Variants in RBFOX1 observed in about 807,000 individuals in gnomAD.
The protein encoded by RBFOX1 is RNA binding fox-1 homolog 1.
A neutral mutation model predicts 57.7 loss-of-function variants in RBFOX1; 8 were observed. That is an observed-to-expected ratio of 0.14 (90% CI 0.08 to 0.25). RBFOX1 has a LOEUF of 0.25. Among genes scored for constraint, RBFOX1 ranks in the 10% least tolerant of loss-of-function variants. The pLI is 1.00. For missense variants in RBFOX1, 611 were observed against 548.5 expected (o/e 1.11, Z -1.14); for synonymous variants, 326 against 222.4 (o/e 1.47, Z -4.15).
At chr16:6,132,064 C>T (rs1435049834) in intron 1 of RBFOX1, among the ~76,000 whole-genome samples, 1 of 152,200 alleles carries the variant, frequency 6.6e-6, no homozygotes, top group African/African-American at 2.4e-5. Context: ...AGAAGCTTAA[C>T]ACGCTTTAGT....
intron 3 of RBFOX1, among the ~76,000 whole-genome samples, chr16:6,914,906 T>C (rs897613301): frequency 3.3e-5 from 5 of 152,172 alleles, no homozygotes; most frequent in Admixed American, 6.6e-5. Context: ...CACAGATGGA[T>C]AGGTTTGAGA....
chr16:7,368,542 G>A (rs1011669348), intron 4 of RBFOX1, among the ~76,000 whole-genome samples: 2 of 151,970 alleles, frequency 1.3e-5, no homozygotes, highest in African/African-American at 4.8e-5. Context: ...ACTTTGGGAG[G>A]CCGAGGTGGG....
At chr16:6,821,950 G>C (rs1300008303) in intron 3 of RBFOX1, among the ~76,000 whole-genome samples, 2 of 152,134 alleles carry the variant, frequency 1.3e-5, no homozygotes, top group Non-Finnish European at 2.9e-5. Context: ...TCTAGTTTCT[G>C]ATGTGATTGC....
intron 3 of RBFOX1, among the ~76,000 whole-genome samples, chr16:6,751,994 G>C (rs1488122630): frequency 6.6e-6 from 1 of 152,058 alleles, no homozygotes; most frequent in Non-Finnish European, 1.5e-5. Context: ...CACTTTAATA[G>C]GATCCCAGTT....
At chr16:6,190,895 TG>T (rs1358956650) in intron 1 of RBFOX1, among the ~76,000 whole-genome samples, 1 of 152,118 alleles carries the variant, frequency 6.6e-6, no homozygotes, top group African/African-American at 2.4e-5. Flanking sequence ...ATCTTGTGTG[TG>T]GTGTGACTGT....
intron 4 of RBFOX1, among the ~76,000 whole-genome samples, chr16:7,360,764 G>T (rs1357017931): frequency 4.6e-5 from 7 of 152,088 alleles, no homozygotes; most frequent in Admixed American, 3.9e-4. Flanking sequence ...TTTCCTATCT[G>T]TGTTGGCCAA....
At chr16:5,788,176 T>A (rs72766968) in intron 3 of RBFOX1, among the ~76,000 whole-genome samples, 1 of 152,330 alleles carries the variant, frequency 6.6e-6, no homozygotes, top group Non-Finnish European at 1.5e-5. Context: ...CTCCCAGGAC[T>A]GCATCCTGAA....
rs35062940 is a variant in RBFOX1, at chr16:5,268,078, C to CA, written c.219+27986dup. Reference sequence around the variant, plus strand: ...TGGGAGACAGAGCGAGATTCCATGTCAAAAAAAAAAAAAGATGACTGGAAT... The same window carrying CA: ...TGGGAGACAGAGCGAGATTCCATGTCAAAAAAAAAAAAAAGATGACTGGAAT... On this transcript the variant is annotated intron_variant, in intron 1 of 2. Transcript: ENST00000585867. Among the ~76,000 whole-genome samples, 738 of 131,166 alleles carry CA rather than the reference C, an allele frequency of 5.6e-3. 8 individuals carry two copies. Among genetic ancestry groups the CA allele is most frequent in the South Asian group, 0.032 (131 of 4,124 alleles). 86.0% of individuals were successfully genotyped at this position (131,166 alleles called of 152,430 possible). A position where few individuals can be genotyped will look rare whatever the true frequency, so the allele number is the denominator to read the frequency against.
At chr16:6,080,026 A>T (rs2095976032) in intron 1 of RBFOX1, among the ~76,000 whole-genome samples, 1 of 152,146 alleles carries the variant, frequency 6.6e-6, no homozygotes. Context: ...AAGTTCTGGG[A>T]GTGAATTTAA....
chr16:5,674,348 C>G lies in RBFOX1; in HGVS notation c.318+75387C>G, dbSNP rs554271380. On this transcript the variant is annotated intron_variant, in intron 3 of 19. Transcript: ENST00000641259. ...TATTTCCTATGTAATCTCCACTTTC[C>G]TCTACAATGGGTAAAATATTCATGT... is the stretch of plus-strand genomic sequence containing the variant. 3.9e-5 allele frequency among the ~76,000 whole-genome samples: 6 copies of G among 152,276 alleles called. No individual in the cohort carries two copies. The South Asian group carries it at 1.2e-3, about 32-fold the overall frequency.
At chr16:7,271,581 A>G (rs1028899030) in intron 4 of RBFOX1, among the ~76,000 whole-genome samples, 1 of 152,158 alleles carries the variant, frequency 6.6e-6, no homozygotes, top group Non-Finnish European at 1.5e-5. Flanking sequence ...TTATGAGTTG[A>G]AGCATAATTA....
chr16:6,740,901 C>G (rs2071867116), intron 3 of RBFOX1, among the ~76,000 whole-genome samples: 1 of 152,074 alleles, frequency 6.6e-6, no homozygotes, highest in African/African-American at 2.4e-5. Context: ...AGCAAAGAAA[C>G]TAGAGTTGTT....
chr16:5,426,273 G>A (rs761412803), intron 1 of RBFOX1, among the ~76,000 whole-genome samples: 8 of 152,150 alleles, frequency 5.3e-5, no homozygotes, highest in East Asian at 3.9e-4. Flanking sequence ...ACACCTTCAC[G>A]GGATGTATGC....
intron 3 of RBFOX1, among the ~76,000 whole-genome samples, chr16:5,803,999 A>C (rs948548976): frequency 9.2e-5 from 14 of 152,144 alleles, no homozygotes; most frequent in African/African-American, 3.4e-4. Context: ...CCCAGCTCAG[A>C]GATTTCCTCT....
intron 3 of RBFOX1, among the ~76,000 whole-genome samples, chr16:6,697,456 G>A (rs1439951732): frequency 6.6e-6 from 1 of 152,208 alleles, no homozygotes; most frequent in Non-Finnish European, 1.5e-5. Context: ...CGGTGAGACT[G>A]ACTTCAGGAA....
chr16:7,701,304 CG>C (rs2080629254), intron 14 of RBFOX1, among the ~76,000 whole-genome samples: 1 of 152,074 alleles, frequency 6.6e-6, no homozygotes, highest in South Asian at 2.1e-4. Context: ...AGGTGGTGAG[CG>C]GGGTGGGGGG....
At chr16:5,789,441 G>A (rs1484759471) in intron 3 of RBFOX1, among the ~76,000 whole-genome samples, 1 of 152,122 alleles carries the variant, frequency 6.6e-6, no homozygotes, top group East Asian at 1.9e-4. Context: ...ATGAGTGTGT[G>A]TGTATGAGAG....
rs539814074 is a variant in RBFOX1 at position 7,171,720 on chromosome 16, A to T, written c.27+119622A>T. Among the ~76,000 whole-genome samples, 4 of 152,364 alleles carry T rather than the reference A, an allele frequency of 2.6e-5. No individual in the cohort carries two copies. In the East Asian group the frequency reaches 5.8e-4, roughly 22 times the overall value. On this transcript the variant is annotated intron_variant, in intron 4 of 15. Transcript: ENST00000550418. ...AGCAATGAGCTTGTGTTTTCTGAACAGCTAAGCCTCAGAACTGTAATAACT... is the reference window on the plus strand; with the variant it reads ...AGCAATGAGCTTGTGTTTTCTGAACTGCTAAGCCTCAGAACTGTAATAACT...
chr16:7,454,845 C>G (rs545205741), intron 4 of RBFOX1, among the ~76,000 whole-genome samples: 5 of 152,314 alleles, frequency 3.3e-5, no homozygotes, highest in Non-Finnish European at 5.9e-5. Context: ...CAAGGATGGA[C>G]CTAGGCGAGT....
Sources: gnomAD v4.1 joint callset for allele counts (sites outside exome capture counted in the v4.1 genomes callset) on GRCh38, gnomAD v4.1.1 for gene constraint, MANE v1.5 for transcripts, NCBI Gene and HGNC (gene_info 2026-07-23, HGNC 2026-07-21) for gene names.